WAS: variants seen among roughly 807,000 people sequenced by gnomAD.
WAS encodes the protein WASP actin nucleation promoting factor, also known as actin nucleation-promoting factor WAS.
A neutral mutation model predicts 38.9 loss-of-function variants in WAS; 1 was observed. That is an observed-to-expected ratio of 0.03 (90% CI 0.01 to 0.12). The LOEUF is 0.12. Ranked by LOEUF, WAS falls within the 10% of genes least tolerant of loss-of-function variation. The probability of loss-of-function intolerance (pLI) is 1.00; values close to 1 mark genes in which losing one functional copy is unlikely to be tolerated. For synonymous variants in WAS, 182 were observed against 173.6 expected (o/e 1.05, Z -0.38); for missense variants, 311 against 431.2 (o/e 0.72, Z 2.47).
chrX:48,685,794 G>A lies in WAS; in HGVS notation c.421G>A (p.Val141Met), dbSNP rs1557006579. 3 of 1,186,345 alleles carry A rather than the reference G, an allele frequency of 2.5e-6. No individual in the cohort carries two copies. The highest frequency in any genetic ancestry group is 2.4e-5 in the Admixed American group (1 of 41,802). The change falls in exon 4 of 12, where the codon GTG becomes ATG. Residue 141 changes from valine (V) to methionine (M), a missense_variant. By Grantham distance (21) the Val-to-Met change is conservative. This residue lies in a region of WAS where 64 missense variants were observed against 122.5 expected (regional missense o/e 0.52). Coordinates refer to ENST00000376701, the MANE Select transcript of WAS (RefSeq NM_000377.3). ...EDEAQAFRAL[V>M]QEKIQKRNQR... ...CGAGGCCCAGGCCTTCCGGGCCCTC[G>A]TGCAGGAGAAGATACAAAAAAGGAA...
Position 48,688,146 on chromosome X carries a change from T to A in WAS, c.777+50T>A, listed in dbSNP as rs2062426000. 11 of 1,172,106 alleles carry A rather than the reference T, an allele frequency of 9.4e-6. No homozygotes were observed. The East Asian group carries it at 3.4e-4, about 36-fold the overall frequency. The stretch of plus-strand genomic sequence containing the variant: ...ACTCCACTAAACTTCCACCCACCCT[T>A]CCAAAGACCACTGCTGAGACCCCAC... On this transcript the variant is annotated intron_variant, in intron 8 of 11. Coordinates refer to ENST00000376701, the MANE Select transcript of WAS (RefSeq NM_000377.3).
chrX:48,680,893 C>A (rs2147260289), upstream of WAS, among the ~76,000 whole-genome samples: 1 of 112,267 alleles, frequency 8.9e-6, no homozygotes, highest in Non-Finnish European at 1.9e-5. Flanking sequence ...ACAACACCAA[C>A]AACCAGCAAA....
chrX:48,688,595 G>A, intron 9 of WAS, 65 bp from the exon 10 acceptor site: 1 of 1,201,037 alleles, frequency 8.3e-7, no homozygotes. Context: ...TTTTACAAAT[G>A]AGCAAAACTG....
Position 48,683,999 on chromosome X carries a change from C to T in WAS, c.132+14C>T, listed in dbSNP as rs781902189. On this transcript the variant is annotated intron_variant, in intron 1 of 11. Coordinates refer to ENST00000376701, the MANE Select transcript of WAS (RefSeq NM_000377.3). The stretch of plus-strand genomic sequence containing the variant: ...CGAAAATGCTTGGTGAGCTGGGGAT[C>T]TCCTGCCCCCGCCCCGTCCCCACCG... The T allele has an allele frequency of 8.3e-7, 1 of 1,208,131 alleles. No homozygotes were observed. Among genetic ancestry groups the T allele is most frequent in the Non-Finnish European group, 1.1e-6 (1 of 894,534 alleles).
chrX:48,680,570 C>G (rs1671847256), upstream of WAS, among the ~76,000 whole-genome samples: 1 of 111,665 alleles, frequency 9.0e-6, no homozygotes, highest in Non-Finnish European at 1.9e-5. Flanking sequence ...GTCTTCCTAA[C>G]TGCTCATTAT....
At position 48,684,345 on chromosome X, in the gene WAS, C is replaced by G; in HGVS notation, c.195C>G (p.Thr65=). The change falls in exon 2 of 12, where the codon ACC becomes ACG. Residue 65 remains threonine, a synonymous_variant. Transcript: ENST00000376701. ...LALPPGAEHW[T]KEHCGAVCFV... is the part of the protein sequence containing the mutation. ...TGCCCCCTGGAGCTGAGCACTGGAC[C>G]AAGGAGCATTGTGGGGCTGTGTGCT... The G allele has an allele frequency of 1.7e-5, 21 of 1,211,813 alleles. No individual in the cohort carries two copies. Among genetic ancestry groups the G allele is most frequent in the Non-Finnish European group, 2.3e-5 (21 of 895,511 alleles).
rs1557007417 is a variant in WAS, at chrX:48,689,299, G to A, written c.1339-21G>A. On this transcript the variant is annotated intron_variant, in intron 10 of 11. Transcript: ENST00000376701. ...CTTTCCCAGGCCCTAAGCCCTCTGT[G>A]CTGATCCCTGCCTGCTGCAGACCCC... The A allele has an allele frequency of 3.4e-6, 4 of 1,173,111 alleles. No homozygotes were observed. In the South Asian group the frequency reaches 5.6e-5, roughly 16 times the overall value.
In WAS at chrX:48,685,751, G is replaced by A; in HGVS notation, c.378G>A (p.Leu126=). 8.5e-7 allele frequency: 1 copy of A among 1,180,015 alleles called. No individual in the cohort carries two copies. Among genetic ancestry groups the A allele is most frequent in the South Asian group, 1.9e-5 (1 of 53,766 alleles). ...ATGTGCAGGACTGCCAAGCGGGGCT[G>A]AACTTTGCAGACGAGGACGAGGCCC... ...TFAGDDCQAG[L]NFADEDEAQA... The change falls in exon 4 of 12, where the codon CTG becomes CTA. Residue 126 remains leucine (L), a synonymous_variant. Transcript: ENST00000376701.
upstream of WAS, among the ~76,000 whole-genome samples, chrX:48,680,851 A>C (rs1224827815): frequency 6.2e-5 from 7 of 112,215 alleles, no homozygotes; most frequent in African/African-American, 2.3e-4. Context: ...TACTTTCTTA[A>C]TAAACTTGCT....
At chrX:48,684,891 G>A (rs1199296528) in intron 2 of WAS, among the ~76,000 whole-genome samples, 2 of 111,065 alleles carry the variant, frequency 1.8e-5, no homozygotes, top group East Asian at 5.6e-4. Flanking sequence ...ACAGACCCCA[G>A]AGTTCCCATA....
chrX:48,683,634 G>A, upstream of WAS: 4 of 446,974 alleles, frequency 8.9e-6, no homozygotes, highest in Non-Finnish European at 1.1e-5. Context: ...CCAAAAGGTG[G>A]GTCTAAGCAG....
upstream of WAS, among the ~76,000 whole-genome samples, chrX:48,680,095 G>A (rs2062397934): frequency 9.0e-6 from 1 of 111,696 alleles, no homozygotes; most frequent in Non-Finnish European, 1.9e-5. Context: ...TCAGTGACCT[G>A]TGACGGCTCC....
In WAS at chrX:48,688,656, A is replaced by G. The variant is rs1439369559; in HGVS notation, c.932-4A>G. 1 of 1,206,447 alleles carries G rather than the reference A, an allele frequency of 8.3e-7. No individual in the cohort carries two copies. Among genetic ancestry groups the G allele is most frequent in the Non-Finnish European group, 1.1e-6 (1 of 892,923 alleles). Reference sequence around the variant, plus strand: ...TACAGCTATGTGTTATACCCCCTCCACAGAGCCACTTCCGCCGCCCCCACC... The same window carrying G: ...TACAGCTATGTGTTATACCCCCTCCGCAGAGCCACTTCCGCCGCCCCCACC... On this transcript the variant is annotated splice_polypyrimidine_tract_variant and splice_region_variant and intron_variant, in intron 9 of 11. Transcript: ENST00000376701.
At chrX:48,682,244 GA>G (rs1222919510), upstream of WAS, among the ~76,000 whole-genome samples, 1 of 112,284 alleles carries the variant, frequency 8.9e-6, no homozygotes, top group Non-Finnish European at 1.9e-5. Flanking sequence ...TGTTACAGGA[GA>G]ATATGGACAC....
intron 7 of WAS, among the ~76,000 whole-genome samples, 194 bp from the exon 8 acceptor site, chrX:48,687,860 A>C (rs968514080): frequency 2.7e-5 from 3 of 111,938 alleles, no homozygotes; most frequent in Non-Finnish European, 5.7e-5. Context: ...GGATGGGTGG[A>C]TGGATCAGCA....
Position 48,686,113 on chromosome X carries a change from C to A in WAS, c.538C>A (p.His180Asn), listed in dbSNP as rs145040665. 1.3e-3 allele frequency: 1,622 copies of A among 1,210,927 alleles called. 1 individual carries two copies. The highest frequency in any genetic ancestry group is 1.5e-3 in the Non-Finnish European group (1,384 of 895,368). Residue 180 changes from histidine to asparagine, a missense_variant, in exon 6 of 12, where the codon CAT becomes AAT. His to Asn is a moderately conservative substitution (Grantham distance 68, BLOSUM62 1). This residue lies in a region of WAS where 74 missense variants were observed against 131.2 expected (regional missense o/e 0.56). Transcript: ENST00000376701. Reference sequence around the variant, plus strand: ...AGGAGGGCTCCCACCCCTGCCCCTGCATCCAGGTGGAGACCAAGGAGGTGC... The same window carrying A: ...AGGAGGGCTCCCACCCCTGCCCCTGAATCCAGGTGGAGACCAAGGAGGTGC... Reference protein sequence around the residue: ...RRGGLPPLPLHPGGDQGGPPV... With the variant: ...RRGGLPPLPLNPGGDQGGPPV...
intron 9 of WAS, 66 bp from the exon 10 acceptor site, chrX:48,688,594 T>C: frequency 8.3e-7 from 1 of 1,199,786 alleles, no homozygotes; most frequent in South Asian, 1.8e-5. Flanking sequence ...ATTTTACAAA[T>C]GAGCAAAACT....
chrX:48,689,021 G>C lies in WAS; in HGVS notation c.1293G>C (p.Arg431=). The C allele has an allele frequency of 3.3e-6, 4 of 1,205,029 alleles. No individual in the cohort carries two copies. The highest frequency in any genetic ancestry group is 3.4e-6 in the Non-Finnish European group (3 of 893,942). The change falls in exon 10 of 12, where the codon CGG becomes CGC. Residue 431 remains arginine (R), a synonymous_variant. Transcript: ENST00000376701. The part of the protein sequence containing the change: ...PAGGLAPGGG[R]GALLDQIRQG... ...GGGGCCTGGCCCCTGGTGGGGGTCG[G>C]GGAGCGCTTTTGGATCAAATCCGGC...
chrX:48,686,720 C>A, intron 6 of WAS, 61 bp from the exon 7 acceptor site: 1 of 1,180,654 alleles, frequency 8.5e-7, no homozygotes, highest in African/African-American at 1.8e-5. Flanking sequence ...CGTTTCTTGC[C>A]CCTGTGCTTT....
Sources: gnomAD v4.1 joint callset for allele counts (sites outside exome capture counted in the v4.1 genomes callset) on GRCh38, gnomAD v4.1.1 for gene constraint, gnomAD v4.1.1 regional missense constraint, MANE v1.5 for transcripts, NCBI Gene and HGNC (gene_info 2026-07-23, HGNC 2026-07-21) for gene names.